Variants in SHLD2 observed in about 807,000 individuals in gnomAD.
SHLD2 encodes RINN1-REV7-interacting novel NHEJ regulator 2.
SHLD2 carries 30 observed loss-of-function variants against 73.2 expected under a neutral mutation model. The ratio of observed to expected loss-of-function variants is 0.41; its 90% CI spans 0.31 to 0.56. The LOEUF is 0.56. Among genes scored for constraint, SHLD2 ranks in the 20% least tolerant of loss-of-function variants. The pLI, the probability that SHLD2 is intolerant of heterozygous loss-of-function variation, is 0.28. For missense variants in SHLD2, 745 were observed against 1,055.9 expected (o/e 0.71, Z 4.08); for synonymous variants, 285 against 370.1 (o/e 0.77, Z 2.64).
chr10:87,179,356 A>G (rs1848154916), intron 7 of SHLD2, among the ~76,000 whole-genome samples: 4 of 151,644 alleles, frequency 2.6e-5, no homozygotes, highest in Admixed American at 1.3e-4. Context: ...AGAACAGGCT[A>G]TTGATATTTT....
intron 2 of SHLD2, among the ~76,000 whole-genome samples, chr10:87,109,390 C>CT (rs1190234913): frequency 6.6e-6 from 1 of 151,910 alleles, no homozygotes; most frequent in Non-Finnish European, 1.5e-5. Context: ...CCTCTGCCTC[C>CT]TAGATTCAAG....
intron 6 of SHLD2, among the ~76,000 whole-genome samples, chr10:87,175,541 G>A (rs1202854570): frequency 2.0e-5 from 3 of 151,588 alleles, no homozygotes; most frequent in South Asian, 2.1e-4. Flanking sequence ...AAAATTAGCC[G>A]GGAGTGGTGG....
At chr10:87,103,458 T>C (rs375057058) in intron 2 of SHLD2, among the ~76,000 whole-genome samples, 97 of 152,326 alleles carry the variant, frequency 6.4e-4, no homozygotes, top group African/African-American at 2.2e-3. Context: ...ACAATTTGGC[T>C]TAAACAGCAC....
chr10:87,158,140 A>C lies in SHLD2; in HGVS notation c.1618A>C (p.Ile540Leu), dbSNP rs768073132. ...ATTAAATCTTGGGAGTTATTCATCT[A>C]TTCAGCCTGAAGAATGTAAGGCACA... ...QLLNLGSYSS[I>L]QPEEYSSVVS... The change falls in exon 4 of 10, where the codon ATT (isoleucine) becomes CTT (leucine). Residue 540 changes from isoleucine (I) to leucine (L), a missense_variant. Physicochemically the swap from Ile to Leu is conservative, Grantham distance 5. Transcript: ENST00000298786. The C allele has an allele frequency of 1.9e-6, 3 of 1,611,070 alleles. No individual in the cohort carries two copies. In the Admixed American group the frequency reaches 5.0e-5, roughly 27 times the overall value.
At chr10:87,174,568 A>C (rs1589645938) in intron 6 of SHLD2, among the ~76,000 whole-genome samples, 1 of 86,176 alleles carries the variant, frequency 1.2e-5, no homozygotes. Flanking sequence ...ATTTTCCACC[A>C]AAAAAAAAAA....
Position 87,153,245 on chromosome 10 carries a change from C to T in SHLD2, c.1525+366C>T, listed in dbSNP as rs183949978. Among the ~76,000 whole-genome samples the T allele has an allele frequency of 1.8e-4, 27 of 152,206 alleles. No individual in the cohort carries two copies. The East Asian group carries it at 5.0e-3, about 28-fold the overall frequency. Reference sequence around the variant, plus strand: ...TGAGACCAGCCTTGGCAACACAGAACCCGTCTCTACAAAAAATAAATTAAG... The same window carrying T: ...TGAGACCAGCCTTGGCAACACAGAATCCGTCTCTACAAAAAATAAATTAAG... On this transcript the variant is annotated intron_variant, in intron 3 of 9. Transcript: ENST00000298786.
chr10:87,155,587 T>G (rs1466061217), intron 3 of SHLD2, among the ~76,000 whole-genome samples: 12 of 151,876 alleles, frequency 7.9e-5, no homozygotes, highest in Admixed American at 7.9e-4. Context: ...TTTTGGAGTG[T>G]TAACAAAATT....
At position 87,166,950 on chromosome 10, in the gene SHLD2, AGTGTGTGTGTGT is replaced by A. The variant is rs10602407; in HGVS notation, c.1634-3507_1634-3496del. ...TATTTGAAGGTGTTACATTTTGGAA[AGTGTGTGTGTGT>A]GTGTGTGTGTGTGTGTGTGTATAAA... On this transcript the variant is annotated intron_variant, in intron 4 of 9. Coordinates refer to ENST00000298786, the MANE Select transcript of SHLD2 (RefSeq NM_001330112.2). Among the ~76,000 whole-genome samples the A allele has an allele frequency of 7.9e-3, 994 of 126,290 alleles. 4 individuals carry two copies. Among genetic ancestry groups the A allele is most frequent in the African/African-American group, 0.011 (387 of 36,636 alleles). 82.9% of individuals were successfully genotyped at this position (126,290 alleles called of 152,430 possible).
upstream of SHLD2, chr10:87,094,949 A>ACAGGGCGCCGCC (rs1215114677): frequency 1.3e-5 from 4 of 301,048 alleles, no homozygotes; most frequent in South Asian, 1.1e-4. The surrounding 1 kb of genome is among the most constrained non-coding windows in gnomAD (Gnocchi z 6.6). Context: ...GACTTCGGGG[A>ACAGGGCGCCGCC]CAGGGCGCCG....
chr10:87,175,100 G>C (rs533283245), intron 6 of SHLD2, among the ~76,000 whole-genome samples: 1 of 125,338 alleles, frequency 8.0e-6, no homozygotes, highest in Non-Finnish European at 1.6e-5. Context: ...CTGGGCAACA[G>C]AGCGAGACTC....
At chr10:87,164,381 T>A (rs1215599512) in intron 4 of SHLD2, among the ~76,000 whole-genome samples, 1 of 152,126 alleles carries the variant, frequency 6.6e-6, no homozygotes, top group Non-Finnish European at 1.5e-5. Context: ...GCCTTCCAAG[T>A]AGCCGGTACC....
chr10:87,142,030 CAA>C (rs879494523), intron 2 of SHLD2, among the ~76,000 whole-genome samples: 1 of 123,826 alleles, frequency 8.1e-6, no homozygotes, highest in Non-Finnish European at 1.7e-5. Context: ...GACTCCATCT[CAA>C]AAAAAAAAAA....
intron 2 of SHLD2, among the ~76,000 whole-genome samples, chr10:87,120,819 C>T (rs1439406413): frequency 2.0e-5 from 3 of 151,948 alleles, no homozygotes; most frequent in Non-Finnish European, 2.9e-5. Flanking sequence ...TTTGGGAGGC[C>T]GAGGTGGGCG....
chr10:87,141,369 C>T (rs1359791834), intron 2 of SHLD2, among the ~76,000 whole-genome samples: 5 of 139,474 alleles, frequency 3.6e-5, no homozygotes, highest in East Asian at 4.2e-4. Flanking sequence ...GATGGAGTTT[C>T]GCTCTTGTTG....
chr10:87,100,294 AGTTTCATTCTTTTGCAC>A (rs1283760105), intron 2 of SHLD2, among the ~76,000 whole-genome samples: 1 of 152,214 alleles, frequency 6.6e-6, no homozygotes, highest in Non-Finnish European at 1.5e-5. Flanking sequence ...AAAAGGATCC[AGTTTCATTCTTTTGCAC>A]GTGGCTATCC....
rs1249604733 is a variant in SHLD2, at chr10:87,110,381, G to A, written c.-6+13392G>A. ...TCCCAGCACTTTGGGAGGCCGAGGC[G>A]GGCGGATCACAAGGTCAAGAGTTCG... On this transcript the variant is annotated intron_variant, in intron 2 of 9. Coordinates refer to ENST00000298786, the MANE Select transcript of SHLD2 (RefSeq NM_001330112.2). Among the ~76,000 whole-genome samples the A allele has an allele frequency of 5.3e-5, 8 of 152,100 alleles. No homozygotes were observed. In the East Asian group the frequency reaches 9.6e-4, roughly 18 times the overall value.
chr10:87,162,157 A>G (rs1846865266), intron 4 of SHLD2, among the ~76,000 whole-genome samples: 3 of 152,214 alleles, frequency 2.0e-5, no homozygotes, highest in South Asian at 4.1e-4. Flanking sequence ...AAATCATGCA[A>G]CAACAAGAAA....
At chr10:87,141,327 G>A (rs1381458255) in intron 2 of SHLD2, among the ~76,000 whole-genome samples, 1 of 144,632 alleles carries the variant, frequency 6.9e-6, no homozygotes, top group Non-Finnish European at 1.5e-5. Context: ...AATAAATTCT[G>A]GTGTTCGGTG....
At chr10:87,150,871 G>T (rs1229902010) in intron 2 of SHLD2, among the ~76,000 whole-genome samples, 2 of 151,890 alleles carry the variant, frequency 1.3e-5, no homozygotes, top group Non-Finnish European at 2.9e-5. Context: ...CTGTTGCCCA[G>T]GCTAGAGTGC....
Sources: gnomAD v4.1 joint callset for allele counts (sites outside exome capture counted in the v4.1 genomes callset) on GRCh38, gnomAD v4.1.1 for gene constraint, Gnocchi (gnomAD v3.1) non-coding constraint, MANE v1.5 for transcripts, NCBI Gene and HGNC (gene_info 2026-07-23, HGNC 2026-07-21) for gene names.